The following JMY variants were observed in gnomAD, a reference collection of about 807,000 sequenced individuals.
JMY encodes junction-mediating and -regulatory protein.
Under a neutral mutation model 103.3 loss-of-function variants are expected in JMY, and 46 were observed. The ratio of observed to expected loss-of-function variants is 0.45; its 90% CI spans 0.35 to 0.57. JMY has a LOEUF of 0.57. JMY is among the 20% of genes least tolerant of loss of function. The pLI is 0.00. For synonymous variants in JMY, 526 were observed against 489.3 expected, an observed-to-expected ratio of 1.07 and a Z score of -0.99; for missense variants, 1,238 against 1,255.2, an observed-to-expected ratio of 0.99 and a Z score of 0.21.
rs1561316055 is a variant in JMY at position 79,314,628 on chromosome 5, ACCTCCCCCACCT to A, written c.2445_2456del (p.Pro822_Pro825del). ...CATCCCCTCTTCCTCCAACACCACC[ACCTCCCCCACCT>A]CCTCCCCCTCCCCCACCACCACCAC... On this transcript the variant is annotated inframe_deletion, in exon 9 of 11. Transcript: ENST00000396137. The A allele has an allele frequency of 1.8e-6, 2 of 1,128,844 alleles. No individual in the cohort carries two copies. Among genetic ancestry groups the A allele is most frequent in the Non-Finnish European group, 2.5e-6 (2 of 797,282 alleles). 69.9% of individuals were successfully genotyped at this position (1,128,844 alleles called of 1,614,324 possible).
rs1205704786 is a variant in JMY, at chr5:79,327,071, A to G, written c.*5469A>G. ...TTTGTATTTCATGTTTTTTACACTC[A>G]TGACTTCAGAGTTAAGTACTTGTAC... On this transcript the variant is annotated 3_prime_UTR_variant, in exon 11 of 11. Coordinates refer to ENST00000396137, the MANE Select transcript of JMY (RefSeq NM_152405.5). The G allele has an allele frequency of 6.6e-6, 1 of 152,186 alleles. No homozygotes were observed. Among genetic ancestry groups the G allele is most frequent in the Non-Finnish European group, 1.5e-5 (1 of 68,032 alleles). The allele number at this position is 152,186 out of a possible 1,614,324, so 9.4% of individuals were successfully genotyped here.
chr5:79,236,948 A>C lies in JMY; in HGVS notation c.298A>C (p.Arg100=), dbSNP rs1180376645. 1 of 1,447,358 alleles carries C rather than the reference A, an allele frequency of 6.9e-7. No homozygotes were observed. 89.7% of individuals were successfully genotyped at this position (1,447,358 alleles called of 1,614,324 possible). ...PEATASATLV[R]SPGPRRSSAW... ...GGCCACTGCCTCTGCAACTCTGGTT[A>C]GGAGCCCCGGGCCCCGGCGGAGCTC... Residue 100 remains arginine, a synonymous_variant, in exon 1 of 11, where the codon AGG becomes CGG. Coordinates refer to ENST00000396137, the MANE Select transcript of JMY (RefSeq NM_152405.5).
Position 79,278,011 on chromosome 5 carries a change from A to G in JMY, c.1134A>G (p.Glu378=), listed in dbSNP as rs2112085167. ...GCAGCCTTGCAGAAGCTACAACCGAACTCTATCAGTATTTACTACAGCCAT... is the reference window on the plus strand; with the variant it reads ...GCAGCCTTGCAGAAGCTACAACCGAGCTCTATCAGTATTTACTACAGCCAT... ...AYSSLAEATT[E]LYQYLLQPFR... Residue 378 remains glutamate (E), a synonymous_variant, in exon 2 of 11, where the codon GAA becomes GAG. Coordinates refer to ENST00000396137, the MANE Select transcript of JMY (RefSeq NM_152405.5). 6.2e-7 allele frequency: 1 copy of G among 1,614,046 alleles called. No homozygotes were observed. Among genetic ancestry groups the G allele is most frequent in the Non-Finnish European group, 8.5e-7 (1 of 1,179,958 alleles).
rs1468753300 is a variant in JMY at position 79,321,870 on chromosome 5, T to G, written c.*268T>G. On this transcript the variant is annotated 3_prime_UTR_variant, in exon 11 of 11. Coordinates refer to ENST00000396137, the MANE Select transcript of JMY (RefSeq NM_152405.5). Reference sequence around the variant, plus strand: ...AGATTTCTGTTTTTTAAGCACATTCTCCTTCCATCCACATATTTACATCCT... The same window carrying G: ...AGATTTCTGTTTTTTAAGCACATTCGCCTTCCATCCACATATTTACATCCT... The G allele has an allele frequency of 3.3e-5, 5 of 152,226 alleles. No individual in the cohort carries two copies. The highest frequency in any genetic ancestry group is 5.9e-5 in the Non-Finnish European group (4 of 68,044). The allele number at this position is 152,226 out of a possible 1,614,324, so 9.4% of individuals were successfully genotyped here. A position where few individuals can be genotyped will look rare whatever the true frequency, so the allele number is the denominator to read the frequency against.
chr5:79,302,330 G>A (rs1453906089), intron 6 of JMY, among the ~76,000 whole-genome samples: 1 of 152,166 alleles, frequency 6.6e-6, no homozygotes, highest in Non-Finnish European at 1.5e-5. Context: ...TAATTCACCA[G>A]TATGCTAGGC....
rs1561322989 is a variant in JMY at position 79,326,195 on chromosome 5, T to TA, written c.*4593_*4594insA. 1 of 152,100 alleles carries TA rather than the reference T, an allele frequency of 6.6e-6. No homozygotes were observed. Among genetic ancestry groups the TA allele is most frequent in the Non-Finnish European group, 1.5e-5 (1 of 67,992 alleles). The allele number at this position is 152,100 out of a possible 1,614,324, so 9.4% of individuals were successfully genotyped here. A position where few individuals can be genotyped will look rare whatever the true frequency, so the allele number is the denominator to read the frequency against. The stretch of plus-strand genomic sequence containing the variant: ...GGAAAGTTTTGTTTTTTGCTGGTGT[T>TA]TTTTGTTGTTTTTAATTAGGCACAC... On this transcript the variant is annotated 3_prime_UTR_variant, in exon 11 of 11. Transcript: ENST00000396137.
At chr5:79,281,435 C>G (rs1746111557) in intron 2 of JMY, among the ~76,000 whole-genome samples, 1 of 150,130 alleles carries the variant, frequency 6.7e-6, no homozygotes, top group Non-Finnish European at 1.5e-5. Context: ...TAGGGCCTAC[C>G]CAGGATCAGG....
In JMY at chr5:79,237,060, A is replaced by T. The variant is rs767360509; in HGVS notation, c.410A>T (p.Glu137Val). ...RLRSPGSKGAESRLRSPVRAK... is the reference protein window; with the variant it reads ...RLRSPGSKGAVSRLRSPVRAK... ...CGGAGTCCTGGCAGCAAAGGGGCGG[A>T]GAGTCGTCTTAGGAGCCCAGTGCGG... Residue 137 changes from glutamate to valine, a missense_variant, in exon 1 of 11, where the codon GAG (glutamate) becomes GTG (valine). Coordinates refer to ENST00000396137, the MANE Select transcript of JMY (RefSeq NM_152405.5). The T allele has an allele frequency of 3.3e-6, 5 of 1,530,966 alleles. No homozygotes were observed. In the African/African-American group the frequency reaches 6.9e-5, roughly 21 times the overall value. The allele number at this position is 1,530,966 out of a possible 1,614,324, so 94.8% of individuals were successfully genotyped here.
chr5:79,312,786 T>C (rs1057037235), intron 8 of JMY, among the ~76,000 whole-genome samples: 1 of 152,162 alleles, frequency 6.6e-6, no homozygotes, highest in East Asian at 1.9e-4. Context: ...TTTAAAAAAT[T>C]AGTTAAATCA....
intron 4 of JMY, among the ~76,000 whole-genome samples, chr5:79,298,701 T>G (rs1246222505): frequency 6.6e-6 from 1 of 152,252 alleles, no homozygotes; most frequent in Non-Finnish European, 1.5e-5. Flanking sequence ...TACCACTGTA[T>G]TTAATTCACC....
chr5:79,305,827 C>G (rs1746864565), intron 6 of JMY, among the ~76,000 whole-genome samples: 1 of 152,130 alleles, frequency 6.6e-6, no homozygotes. Flanking sequence ...TTTAACTTGT[C>G]AGAGGGAGCT....
rs1399089970 is a variant in JMY at position 79,325,769 on chromosome 5, C to G, written c.*4167C>G. On this transcript the variant is annotated 3_prime_UTR_variant, in exon 11 of 11. Transcript: ENST00000396137. ...AAATGAAGCAATGGTATTTTTTATCCGATATAGTGTAATTTAAAAGTTTTC... is the reference window on the plus strand; with the variant it reads ...AAATGAAGCAATGGTATTTTTTATCGGATATAGTGTAATTTAAAAGTTTTC... 1 of 151,932 alleles carries G rather than the reference C, an allele frequency of 6.6e-6. No homozygotes were observed. Among genetic ancestry groups the G allele is most frequent in the African/African-American group, 2.4e-5 (1 of 41,366 alleles). 9.4% of individuals were successfully genotyped at this position (151,932 alleles called of 1,614,324 possible).
chr5:79,277,081 TCA>T (rs1264731262), intron 1 of JMY, among the ~76,000 whole-genome samples: 5 of 152,106 alleles, frequency 3.3e-5, no homozygotes, highest in Admixed American at 6.5e-5. Flanking sequence ...ATAATATTTA[TCA>T]CAGTTTGAAA....
Position 79,236,695 on chromosome 5 carries a change from T to C in JMY, c.45T>C (p.Ala15=). 4 of 1,491,786 alleles carry C rather than the reference T, an allele frequency of 2.7e-6. No individual in the cohort carries two copies. Among genetic ancestry groups the C allele is most frequent in the Non-Finnish European group, 3.6e-6 (4 of 1,116,946 alleles). The allele number at this position is 1,491,786 out of a possible 1,614,324, so 92.4% of individuals were successfully genotyped here. A position where few individuals can be genotyped will look rare whatever the true frequency, so the allele number is the denominator to read the frequency against. The change falls in exon 1 of 11, where the codon GCT becomes GCC. Residue 15 remains alanine (A), a synonymous_variant. Coordinates refer to ENST00000396137, the MANE Select transcript of JMY (RefSeq NM_152405.5). ...LEETLESDWV[A]VRPHVFDERE... The stretch of plus-strand genomic sequence containing the variant: ...AGACGCTCGAGTCGGACTGGGTGGC[T>C]GTGCGGCCCCATGTGTTCGACGAGC...
chr5:79,276,970 C>T (rs1006053213), intron 1 of JMY, among the ~76,000 whole-genome samples: 4 of 152,132 alleles, frequency 2.6e-5, no homozygotes, highest in Admixed American at 2.0e-4. Context: ...CTCTTGGCCT[C>T]AAGCAATCCT....
chr5:79,261,805 A>G (rs1745432340), intron 1 of JMY, among the ~76,000 whole-genome samples: 1 of 151,984 alleles, frequency 6.6e-6, no homozygotes, highest in Non-Finnish European at 1.5e-5. Flanking sequence ...TTGTATTTTT[A>G]GTAGAGACAG....
At chr5:79,245,433 T>A (rs1431787718) in intron 1 of JMY, among the ~76,000 whole-genome samples, 1 of 151,956 alleles carries the variant, frequency 6.6e-6, no homozygotes, top group Non-Finnish European at 1.5e-5. Context: ...AAAAAAAAAA[T>A]TAAATGGATA....
chr5:79,314,909 CTA>C (rs1747170057), intron 9 of JMY, 58 bp downstream of exon 9: 9 of 1,452,324 alleles, frequency 6.2e-6, no homozygotes, highest in Non-Finnish European at 8.3e-6. Context: ...TAGTAAAAAA[CTA>C]TATTTTTTGA....
Position 79,237,319 on chromosome 5 carries a change from G to A in JMY, c.669G>A (p.Pro223=). 1.3e-6 allele frequency: 2 copies of A among 1,577,440 alleles called. No homozygotes were observed. Among genetic ancestry groups the A allele is most frequent in the Non-Finnish European group, 1.7e-6 (2 of 1,162,364 alleles). ...CGCCCGCCACCGAGCTGGAGTCTCC[G>A]GCCGAAGAGTGCAGCTGGGCCGGAC... The part of the protein sequence containing the change: ...QPPPATELES[P]AEECSWAGLF... Residue 223 remains proline, a synonymous_variant, in exon 1 of 11, where the codon CCG becomes CCA. Coordinates refer to ENST00000396137, the MANE Select transcript of JMY (RefSeq NM_152405.5).
Sources: gnomAD v4.1 joint callset for allele counts (sites outside exome capture counted in the v4.1 genomes callset) on GRCh38, gnomAD v4.1.1 for gene constraint, MANE v1.5 for transcripts, NCBI Gene and HGNC (gene_info 2026-07-23, HGNC 2026-07-21) for gene names.